Variants in CREB5 observed in about 807,000 individuals in gnomAD.
The protein encoded by CREB5 is cyclic AMP-responsive element-binding protein 5.
A neutral mutation model predicts 57.1 loss-of-function variants in CREB5; 19 were observed. The ratio of observed to expected loss-of-function variants is 0.33; its 90% CI spans 0.23 to 0.49. The LOEUF is 0.49. CREB5 is among the 20% of genes least tolerant of loss of function. The pLI is 0.99. For missense variants in CREB5, 579 were observed against 671.6 expected (o/e 0.86, Z 1.52); for synonymous variants, 238 against 238.3 (o/e 1.00, Z 0.01).
At chr7:28,773,740 G>A (rs1158530279) in intron 7 of CREB5, among the ~76,000 whole-genome samples, 1 of 152,192 alleles carries the variant, frequency 6.6e-6, no homozygotes, top group Non-Finnish European at 1.5e-5. Context: ...CCTGTCCACT[G>A]AGTTCACAGT....
At chr7:28,532,254 C>T (rs546511655) in intron 4 of CREB5, among the ~76,000 whole-genome samples, 2 of 152,258 alleles carry the variant, frequency 1.3e-5, no homozygotes, top group African/African-American at 4.8e-5. Flanking sequence ...CCTCCAGTCC[C>T]GGTCAAACCT....
At position 28,431,153 on chromosome 7, in the gene CREB5, A is replaced by G. The variant is rs548017484; in HGVS notation, c.3+18236A>G. ...GAGTCTCAGACTTTCTTTGGGTTCA[A>G]ATCACTGAAGTGACATCCCATCTCA... On this transcript the variant is annotated intron_variant, in intron 1 of 10. Coordinates refer to ENST00000357727, the MANE Select transcript of CREB5 (RefSeq NM_182898.4). Among the ~76,000 whole-genome samples, 33 of 152,312 alleles carry G rather than the reference A, an allele frequency of 2.2e-4. 2 individuals carry two copies. In the South Asian group the frequency reaches 6.8e-3, roughly 32 times the overall value.
At chr7:28,708,781 A>G (rs1802256706) in intron 5 of CREB5, among the ~76,000 whole-genome samples, 1 of 152,220 alleles carries the variant, frequency 6.6e-6, no homozygotes, top group East Asian at 1.9e-4. Context: ...AGAATTGCTG[A>G]CTTGGAGCTC....
At chr7:28,810,438 C>G (rs1275963796) in intron 9 of CREB5, among the ~76,000 whole-genome samples, 1 of 152,048 alleles carries the variant, frequency 6.6e-6, no homozygotes, top group Admixed American at 6.6e-5. Flanking sequence ...TCCCAGCACT[C>G]TGGGAGGCTG....
intron 5 of CREB5, among the ~76,000 whole-genome samples, chr7:28,579,829 A>G (rs1796052305): frequency 6.6e-6 from 1 of 152,210 alleles, no homozygotes; most frequent in Non-Finnish European, 1.5e-5. Context: ...GAGCCATTGA[A>G]CACTTGTCAG....
intron 5 of CREB5, among the ~76,000 whole-genome samples, chr7:28,676,810 T>A (rs1263592254): frequency 1.3e-5 from 2 of 152,198 alleles, no homozygotes; most frequent in African/African-American, 4.8e-5. Context: ...ACCCTCCTCA[T>A]GATTGTCACT....
chr7:28,816,181 T>C (rs901316385), intron 9 of CREB5, among the ~76,000 whole-genome samples: 1 of 152,142 alleles, frequency 6.6e-6, no homozygotes, highest in Non-Finnish European at 1.5e-5. Flanking sequence ...GACTTTCTTT[T>C]ATATGTGCTA....
Position 28,636,277 on chromosome 7 carries a change from G to A in CREB5, c.464+65740G>A, listed in dbSNP as rs1441781184. On this transcript the variant is annotated intron_variant, in intron 5 of 10. Transcript: ENST00000357727. ...GACCATGTCTAAGGCTCTCCACTGG[G>A]GGGTGGGAGGGAGGAGGGATATGGA... is the stretch of plus-strand genomic sequence containing the variant. Among the ~76,000 whole-genome samples, 3 of 152,166 alleles carry A rather than the reference G, an allele frequency of 2.0e-5. No individual in the cohort carries two copies. In the East Asian group the frequency reaches 5.8e-4, roughly 29 times the overall value.
chr7:28,472,509 T>G (rs1206010322), intron 1 of CREB5, among the ~76,000 whole-genome samples: 2 of 152,166 alleles, frequency 1.3e-5, no homozygotes, highest in African/African-American at 4.8e-5. Flanking sequence ...TGGCCGGTGG[T>G]GGCTATGTCA....
At chr7:28,340,022 C>T (rs976978613) in intron 1 of CREB5, among the ~76,000 whole-genome samples, 1 of 152,198 alleles carries the variant, frequency 6.6e-6, no homozygotes, top group African/African-American at 2.4e-5. Flanking sequence ...GGAGGACTTA[C>T]CCCTCAGGGT....
chr7:28,657,583 G>A (rs896547854), intron 5 of CREB5, among the ~76,000 whole-genome samples: 1 of 151,904 alleles, frequency 6.6e-6, no homozygotes, highest in Admixed American at 6.6e-5. Flanking sequence ...ACAAAAATTA[G>A]CCAGGTGCCT....
intron 7 of CREB5, among the ~76,000 whole-genome samples, chr7:28,795,247 A>G (rs757244285): frequency 1.3e-5 from 2 of 152,214 alleles, no homozygotes; most frequent in Non-Finnish European, 2.9e-5. Context: ...TTTGGATAGT[A>G]GATGCTTTTT....
At chr7:28,438,825 C>CA (rs1354117538) in intron 1 of CREB5, among the ~76,000 whole-genome samples, 11 of 152,262 alleles carry the variant, frequency 7.2e-5, no homozygotes, top group African/African-American at 2.4e-4. Context: ...GATTTGTGAA[C>CA]ACAGCATTAC....
chr7:28,646,383 A>C (rs1798889197), intron 5 of CREB5, among the ~76,000 whole-genome samples: 1 of 152,206 alleles, frequency 6.6e-6, no homozygotes, highest in South Asian at 2.1e-4. Context: ...AAAGTGGAAG[A>C]GAGAAACATC....
chr7:28,627,542 C>A (rs1229179262), intron 5 of CREB5, among the ~76,000 whole-genome samples: 2 of 152,140 alleles, frequency 1.3e-5, no homozygotes, highest in Non-Finnish European at 2.9e-5. Flanking sequence ...ATTTGAATAC[C>A]AAGACCCTGA....
intron 1 of CREB5, among the ~76,000 whole-genome samples, chr7:28,430,580 A>G (rs1032294781): frequency 3.3e-5 from 5 of 152,202 alleles, no homozygotes; most frequent in Admixed American, 1.3e-4. Flanking sequence ...AATACTGGCT[A>G]ATTTTTTGTA....
chr7:28,412,455 T>C (rs1028583121), upstream of CREB5: 2 of 153,334 alleles, frequency 1.3e-5, no homozygotes, highest in African/African-American at 4.8e-5. Context: ...GGCGCACTGT[T>C]ATTTGGTGTT....
chr7:28,489,466 AT>A (rs1394324647), intron 2 of CREB5, among the ~76,000 whole-genome samples: 1 of 151,546 alleles, frequency 6.6e-6, no homozygotes, highest in African/African-American at 2.4e-5. Context: ...CGCCCGGGTA[AT>A]TTTTTGTGTA....
chr7:28,402,206 T>C (rs923395079), intron 1 of CREB5, among the ~76,000 whole-genome samples: 1 of 152,246 alleles, frequency 6.6e-6, no homozygotes, highest in African/African-American at 2.4e-5. Context: ...TGCATAAATG[T>C]CTTCTTTTGA....
Sources: allele counts gnomAD v4.1 joint callset (sites outside exome capture counted in the v4.1 genomes callset), GRCh38; gene constraint gnomAD v4.1.1; transcripts MANE v1.5; gene names NCBI Gene and HGNC (gene_info 2026-07-23, HGNC 2026-07-21).